LMX1A: variants seen among roughly 807,000 people sequenced by gnomAD.
LMX1A encodes the protein LIM homeobox transcription factor 1-alpha.
LMX1A carries 15 observed loss-of-function variants against 49.1 expected under a neutral mutation model. The observed-to-expected ratio is 0.31, with a 90% confidence interval of 0.20 to 0.47. The LOEUF (loss-of-function observed/expected upper bound fraction) is 0.47. Among genes scored for constraint, LMX1A ranks in the 20% least tolerant of loss-of-function variants. The probability of loss-of-function intolerance (pLI) is 1.00; values close to 1 mark genes in which losing one functional copy is unlikely to be tolerated. For missense variants in LMX1A, 372 were observed against 475.8 expected (o/e 0.78, Z 2.03); for synonymous variants, 167 against 185.7 (o/e 0.90, Z 0.82).
intron 3 of LMX1A, among the ~76,000 whole-genome samples, chr1:165,250,407 A>C (rs1653014644): frequency 6.6e-6 from 1 of 152,186 alleles, no homozygotes; most frequent in African/African-American, 2.4e-5. Context: ...CAACAATAAC[A>C]AAAATGTCCA....
intron 3 of LMX1A, among the ~76,000 whole-genome samples, chr1:165,272,506 G>T (rs892064630): frequency 6.6e-6 from 1 of 152,092 alleles, no homozygotes; most frequent in Non-Finnish European, 1.5e-5. Flanking sequence ...ACCTCCACTG[G>T]GTCCAAACAA....
At chr1:165,319,498 A>G (rs1395492320) in intron 3 of LMX1A, among the ~76,000 whole-genome samples, 1 of 152,122 alleles carries the variant, frequency 6.6e-6, no homozygotes, top group Non-Finnish European at 1.5e-5. Context: ...AATCCAAGAT[A>G]TGATAAATAA....
chr1:165,318,978 G>A lies in LMX1A; in HGVS notation c.263+34098C>T, dbSNP rs1197571150. Reference sequence around the variant, plus strand: ...CTGAAGCTGAAAGTATTGCAGCTGAGATCTCCTCTCTCTCTCTCTCTCACA... The same window carrying A: ...CTGAAGCTGAAAGTATTGCAGCTGAAATCTCCTCTCTCTCTCTCTCTCACA... On this transcript the variant is annotated intron_variant, in intron 3 of 8. Transcript: ENST00000342310. 1.1e-4 allele frequency among the ~76,000 whole-genome samples: 15 copies of A among 134,694 alleles called. No individual in the cohort carries two copies. In the Admixed American group the frequency reaches 1.2e-3, roughly 10 times the overall value. The allele number at this position is 134,694 out of a possible 152,430, so 88.4% of individuals were successfully genotyped here.
intron 3 of LMX1A, among the ~76,000 whole-genome samples, chr1:165,289,946 T>A (rs961266523): frequency 5.3e-5 from 8 of 152,198 alleles, no homozygotes; most frequent in Admixed American, 6.5e-5. Context: ...GAAACAATAG[T>A]GAAGCACAGG....
At chr1:165,238,970 G>A (rs1402548715) in intron 4 of LMX1A, among the ~76,000 whole-genome samples, 1 of 152,124 alleles carries the variant, frequency 6.6e-6, no homozygotes, top group Non-Finnish European at 1.5e-5. Context: ...TCATCAACTT[G>A]GTGTGCAGAA....
At chr1:165,259,113 T>A (rs1237811229) in intron 3 of LMX1A, among the ~76,000 whole-genome samples, 2 of 152,224 alleles carry the variant, frequency 1.3e-5, no homozygotes, top group Non-Finnish European at 2.9e-5. Flanking sequence ...GACAGCCAAC[T>A]GAGCCAAAAA....
intron 3 of LMX1A, among the ~76,000 whole-genome samples, chr1:165,330,590 AT>A (rs746962137): frequency 6.6e-5 from 10 of 152,328 alleles, no homozygotes; most frequent in Non-Finnish European, 1.2e-4. Flanking sequence ...GAAAACAACT[AT>A]GTGAAGATAG....
At chr1:165,222,854 G>A (rs1052426670) in intron 4 of LMX1A, among the ~76,000 whole-genome samples, 4 of 152,114 alleles carry the variant, frequency 2.6e-5, no homozygotes, top group African/African-American at 9.7e-5. Flanking sequence ...CCACTAACAG[G>A]CTATCTGAAA....
intron 4 of LMX1A, among the ~76,000 whole-genome samples, chr1:165,237,123 A>G (rs1011045015): frequency 6.6e-6 from 1 of 152,180 alleles, no homozygotes; most frequent in Non-Finnish European, 1.5e-5. Flanking sequence ...CCCAATGTAA[A>G]TGCTCAGCAA....
At chr1:165,224,175 C>T (rs115433941) in intron 4 of LMX1A, among the ~76,000 whole-genome samples, 3,065 of 152,220 alleles carry the variant, frequency 0.02, 105 homozygotes, top group African/African-American at 0.071. Flanking sequence ...TGCTTCTTCT[C>T]CACCATGTAA....
chr1:165,210,868 A>G, intron 5 of LMX1A, 92 bp from the exon 6 acceptor site: 1 of 773,126 alleles, frequency 1.3e-6, no homozygotes, highest in African/African-American at 1.7e-5. Context: ...AGGCCAAAAG[A>G]CTGTATCTGC....
intron 3 of LMX1A, among the ~76,000 whole-genome samples, chr1:165,256,087 C>G (rs989848651): frequency 2.6e-5 from 4 of 152,156 alleles, no homozygotes; most frequent in South Asian, 4.2e-4. Context: ...TAGTGCTGAC[C>G]CAGAAGATGA....
intron 3 of LMX1A, among the ~76,000 whole-genome samples, chr1:165,283,407 G>T (rs1418673897): frequency 6.6e-6 from 1 of 152,186 alleles, no homozygotes; most frequent in Non-Finnish European, 1.5e-5. Flanking sequence ...ACACATGACT[G>T]TATGTCAAGC....
intron 3 of LMX1A, among the ~76,000 whole-genome samples, chr1:165,290,626 T>C (rs1654441994): frequency 1.3e-5 from 2 of 152,322 alleles, no homozygotes; most frequent in African/African-American, 4.8e-5. Context: ...CTACTATGCC[T>C]TTTATGGATC....
chr1:165,224,851 C>A (rs1239093721), intron 4 of LMX1A, among the ~76,000 whole-genome samples: 1 of 152,182 alleles, frequency 6.6e-6, no homozygotes, highest in African/African-American at 2.4e-5. Context: ...TAGGGTTCAC[C>A]TGGGATGAAA....
chr1:165,256,600 C>T (rs1267305531), intron 3 of LMX1A, among the ~76,000 whole-genome samples: 1 of 151,968 alleles, frequency 6.6e-6, no homozygotes, highest in African/African-American at 2.4e-5. Flanking sequence ...CAGCTAAAGC[C>T]AAAAGACATG....
At chr1:165,253,704 G>C (rs1212095210) in intron 3 of LMX1A, among the ~76,000 whole-genome samples, 5 of 152,136 alleles carry the variant, frequency 3.3e-5, no homozygotes, top group Non-Finnish European at 7.4e-5. Flanking sequence ...AACCTATCTC[G>C]ATATGCTTCT....
At chr1:165,347,594 G>C (rs1382080774) in intron 3 of LMX1A, among the ~76,000 whole-genome samples, 1 of 152,202 alleles carries the variant, frequency 6.6e-6, no homozygotes, top group Non-Finnish European at 1.5e-5. Flanking sequence ...CACTGAAGTA[G>C]AGCTAAGGTT....
chr1:165,302,785 A>T (rs562475015), intron 3 of LMX1A, among the ~76,000 whole-genome samples: 1 of 152,308 alleles, frequency 6.6e-6, no homozygotes, highest in East Asian at 1.9e-4. Flanking sequence ...CTTAGAGAAA[A>T]GTGCCAGGGT....
Sources: allele counts gnomAD v4.1 joint callset (sites outside exome capture counted in the v4.1 genomes callset), GRCh38; gene constraint gnomAD v4.1.1; transcripts MANE v1.5; gene names NCBI Gene and HGNC (gene_info 2026-07-23, HGNC 2026-07-21).